PLXNA2: variants seen among roughly 807,000 people sequenced by gnomAD.
PLXNA2 encodes plexin-A2.
A neutral mutation model predicts 193.5 loss-of-function variants in PLXNA2; 91 were observed. That is an observed-to-expected ratio of 0.47 (90% CI 0.40 to 0.56). The LOEUF is 0.56. PLXNA2 is among the 20% of genes least tolerant of loss of function. The pLI, the probability that PLXNA2 is intolerant of heterozygous loss-of-function variation, is 0.00. For synonymous variants in PLXNA2, 997 were observed against 1,027.3 expected (o/e 0.97, Z 0.56); for missense variants, 1,995 against 2,503.2 (o/e 0.80, Z 4.33).
chr1:208,155,698 C>T (rs1362367498), intron 3 of PLXNA2, among the ~76,000 whole-genome samples: 1 of 152,220 alleles, frequency 6.6e-6, no homozygotes, highest in Admixed American at 6.5e-5. Context: ...CCTGGCCCAA[C>T]ACCCGGCTGC....
intron 4 of PLXNA2, among the ~76,000 whole-genome samples, chr1:208,117,310 G>A (rs963863676): frequency 3.9e-5 from 6 of 152,224 alleles, no homozygotes; most frequent in African/African-American, 9.6e-5. Context: ...GAAACCCAGA[G>A]GGTAGGCTGG....
intron 1 of PLXNA2, among the ~76,000 whole-genome samples, chr1:208,234,594 T>A (rs1342857728): frequency 6.6e-6 from 1 of 152,166 alleles, no homozygotes; most frequent in Non-Finnish European, 1.5e-5. Flanking sequence ...CTACCAAGGA[T>A]CTGATCCCTG....
intron 3 of PLXNA2, among the ~76,000 whole-genome samples, chr1:208,152,729 T>C (rs1359501728): frequency 6.7e-6 from 1 of 148,454 alleles, no homozygotes; most frequent in Non-Finnish European, 1.5e-5. Flanking sequence ...CACCTTCAAT[T>C]GTCCCCTTTA....
chr1:208,180,495 C>T (rs928997869), intron 3 of PLXNA2, among the ~76,000 whole-genome samples: 1 of 152,108 alleles, frequency 6.6e-6, no homozygotes, highest in Non-Finnish European at 1.5e-5. Context: ...TAAAGAGCCA[C>T]CAAGAGAGAA....
chr1:208,233,833 T>C (rs1459309822), intron 1 of PLXNA2, among the ~76,000 whole-genome samples: 2 of 152,162 alleles, frequency 1.3e-5, no homozygotes, highest in African/African-American at 2.4e-5. Flanking sequence ...GCCAGAGCCA[T>C]TGACTGTGCA....
chr1:208,063,154 G>T (rs780560107), intron 12 of PLXNA2, among the ~76,000 whole-genome samples: 1 of 152,112 alleles, frequency 6.6e-6, no homozygotes, highest in South Asian at 2.1e-4. Flanking sequence ...ACATTCTTTT[G>T]CTCGCTGCAG....
chr1:208,223,372 T>C (rs776249747), intron 1 of PLXNA2, among the ~76,000 whole-genome samples: 10 of 152,142 alleles, frequency 6.6e-5, no homozygotes, highest in Admixed American at 3.9e-4. Flanking sequence ...TCCTCCATTG[T>C]AGGTGGAAGG....
chr1:208,113,611 A>C (rs1280694166), intron 4 of PLXNA2, among the ~76,000 whole-genome samples: 1 of 124,304 alleles, frequency 8.0e-6, no homozygotes, highest in African/African-American at 3.1e-5. Context: ...GTGCAGTGGT[A>C]TGATCTTGGC....
At chr1:208,091,868 C>CAAA (rs10655053) in intron 9 of PLXNA2, among the ~76,000 whole-genome samples, 29,246 of 130,646 alleles carry the variant, frequency 0.22, 4,200 homozygotes, top group Non-Finnish European at 0.33. Flanking sequence ...GACTTCATAT[C>CAAA]AAAAAAAAAA....
chr1:208,135,377 G>T (rs1222679143), intron 4 of PLXNA2, among the ~76,000 whole-genome samples: 3 of 152,152 alleles, frequency 2.0e-5, no homozygotes, highest in Non-Finnish European at 4.4e-5. Flanking sequence ...TCACTGAGAG[G>T]CCTGCTCCTG....
intron 12 of PLXNA2, among the ~76,000 whole-genome samples, chr1:208,069,192 T>C (rs1277483203): frequency 6.6e-6 from 1 of 152,210 alleles, no homozygotes; most frequent in Non-Finnish European, 1.5e-5. Flanking sequence ...CATATGACGA[T>C]GGCAGGGGAC....
At chr1:208,178,128 C>T (rs1338041057) in intron 3 of PLXNA2, among the ~76,000 whole-genome samples, 1 of 150,820 alleles carries the variant, frequency 6.6e-6, no homozygotes, top group African/African-American at 2.4e-5. Flanking sequence ...CCTCTTTATC[C>T]TACCGAGAGG....
chr1:208,127,793 T>C (rs1301486044), intron 4 of PLXNA2, among the ~76,000 whole-genome samples: 1 of 152,218 alleles, frequency 6.6e-6, no homozygotes, highest in East Asian at 1.9e-4. Context: ...AAGCTCAGTT[T>C]AGCTGCTCAG....
intron 3 of PLXNA2, among the ~76,000 whole-genome samples, chr1:208,187,590 A>G (rs1342278574): frequency 6.6e-6 from 1 of 152,194 alleles, no homozygotes; most frequent in African/African-American, 2.4e-5. Context: ...ACAAGATAAA[A>G]AATTTTTTAG....
chr1:208,238,857 T>C (rs1440693259), intron 1 of PLXNA2, among the ~76,000 whole-genome samples: 3 of 152,238 alleles, frequency 2.0e-5, no homozygotes, highest in African/African-American at 7.2e-5. Flanking sequence ...CTTCTGTTGC[T>C]GATAAGAACG....
intron 15 of PLXNA2, among the ~76,000 whole-genome samples, chr1:208,051,908 G>A (rs894301968): frequency 6.6e-6 from 1 of 152,194 alleles, no homozygotes; most frequent in African/African-American, 2.4e-5. Context: ...GGCTAGGGGA[G>A]TGCTGGCAAA....
chr1:208,042,611 G>A (rs916351712), intron 21 of PLXNA2, among the ~76,000 whole-genome samples: 1 of 152,200 alleles, frequency 6.6e-6, no homozygotes, highest in Non-Finnish European at 1.5e-5. Flanking sequence ...AGCTCTCAGA[G>A]GGGAGGCTGC....
At chr1:208,210,019 A>G in intron 3 of PLXNA2, 1 of 65,076 alleles carries the variant, frequency 1.5e-5, no homozygotes. Flanking sequence ...TTGCAGATGT[A>G]CCTTCTTAAA....
At chr1:208,079,789 GT>G (rs398089838) in intron 11 of PLXNA2, among the ~76,000 whole-genome samples, 2 of 113,556 alleles carry the variant, frequency 1.8e-5, no homozygotes, top group Non-Finnish European at 4.1e-5. Flanking sequence ...GATAATCGTT[GT>G]TTTTTTTTGT....
Sources: allele counts gnomAD v4.1 joint callset (sites outside exome capture counted in the v4.1 genomes callset), GRCh38; gene constraint gnomAD v4.1.1; transcripts MANE v1.5; gene names NCBI Gene and HGNC (gene_info 2026-07-23, HGNC 2026-07-21).